Variants in SLCO1B1 observed in about 807,000 individuals in gnomAD.
The protein encoded by SLCO1B1 is solute carrier organic anion transporter family member 1B1.
SLCO1B1 carries 81 observed loss-of-function variants against 70.1 expected under a neutral mutation model. The ratio of observed to expected loss-of-function variants is 1.16; its 90% CI spans 0.97 to 1.39. The LOEUF (loss-of-function observed/expected upper bound fraction) is 1.39, where lower values mean the gene tolerates loss of function less well. Ranked by LOEUF, SLCO1B1 falls within the 40% of genes most tolerant of loss-of-function variation. SLCO1B1 has a pLI of 0.00. For missense variants in SLCO1B1, 895 were observed against 799.6 expected, an observed-to-expected ratio of 1.12 and a Z score of -1.44; for synonymous variants, 283 against 271.5, an observed-to-expected ratio of 1.04 and a Z score of -0.42.
At chr12:21,167,063 G>A (rs147527310) in intron 2 of SLCO1B1, among the ~76,000 whole-genome samples, 4 of 152,112 alleles carry the variant, frequency 2.6e-5, no homozygotes, top group Non-Finnish European at 5.9e-5. Context: ...CCTACTATAT[G>A]ATTCCAACTA....
rs1183319315 is a variant in SLCO1B1 at position 21,197,283 on chromosome 12, C to G, written c.970+95C>G. ...AAATAATAAAGCATACCCAACTCAT[C>G]TGGAGTTGGCTTTCTTTTGCACTAA... On this transcript the variant is annotated intron_variant, in intron 8 of 14. Transcript: ENST00000256958. 4 of 1,337,746 alleles carry G rather than the reference C, an allele frequency of 3.0e-6. No homozygotes were observed. In the African/African-American group the frequency reaches 5.9e-5, roughly 20 times the overall value. The allele number at this position is 1,337,746 out of a possible 1,614,324, so 82.9% of individuals were successfully genotyped here. A position where few individuals can be genotyped will look rare whatever the true frequency, so the allele number is the denominator to read the frequency against.
At chr12:21,206,727 C>T (rs1395984203) in intron 11 of SLCO1B1, among the ~76,000 whole-genome samples, 4 of 151,890 alleles carry the variant, frequency 2.6e-5, no homozygotes, top group Non-Finnish European at 5.9e-5. Context: ...TGGGTAGCTA[C>T]CTGTCACTGG....
At chr12:21,139,198 A>AAG (rs1940273749) in intron 1 of SLCO1B1, among the ~76,000 whole-genome samples, 1 of 152,120 alleles carries the variant, frequency 6.6e-6, no homozygotes, top group African/African-American at 2.4e-5. Flanking sequence ...TTTTTTTAAA[A>AAG]AAAGATTTCC....
At chr12:21,229,925 G>A (rs999931985) in intron 14 of SLCO1B1, among the ~76,000 whole-genome samples, 9 of 152,114 alleles carry the variant, frequency 5.9e-5, no homozygotes, top group African/African-American at 1.9e-4. Flanking sequence ...GAGAGGGGAC[G>A]TTTTTGACTT....
chr12:21,151,886 C>A (rs962344295), intron 2 of SLCO1B1, among the ~76,000 whole-genome samples: 2 of 151,864 alleles, frequency 1.3e-5, no homozygotes, highest in African/African-American at 4.8e-5. Context: ...GGCATTTATA[C>A]AACTTGTTAT....
intron 10 of SLCO1B1, among the ~76,000 whole-genome samples, chr12:21,203,889 A>C (rs1941185073): frequency 6.6e-6 from 1 of 152,130 alleles, no homozygotes; most frequent in Admixed American, 6.6e-5. Context: ...TTAGTTCAAA[A>C]GCCTTCTTGG....
intron 1 of SLCO1B1, among the ~76,000 whole-genome samples, chr12:21,136,535 T>A (rs1367911531): frequency 6.6e-6 from 1 of 152,182 alleles, no homozygotes; most frequent in Non-Finnish European, 1.5e-5. Context: ...CGTTTCTTTT[T>A]ATTCTTTTTT....
chr12:21,217,950 C>T (rs1941379832), intron 12 of SLCO1B1, among the ~76,000 whole-genome samples: 1 of 152,018 alleles, frequency 6.6e-6, no homozygotes, highest in African/African-American at 2.4e-5. Context: ...AAAATCAAAG[C>T]ACATATTTAT....
At position 21,203,037 on chromosome 12, in the gene SLCO1B1, T is replaced by G. The variant is rs1411088213; in HGVS notation, c.1331+351T>G. ...ATTAAGATTCTAACTCAAATTTGAG[T>G]TTTTTAAGTCCAAAACTCTTAGTCT... On this transcript the variant is annotated intron_variant, in intron 10 of 14. Coordinates refer to ENST00000256958, the MANE Select transcript of SLCO1B1 (RefSeq NM_006446.5). 2.0e-5 allele frequency among the ~76,000 whole-genome samples: 3 copies of G among 151,856 alleles called. No homozygotes were observed. The East Asian group carries it at 5.8e-4, about 29-fold the overall frequency.
At chr12:21,207,964 T>A (rs1413373413) in intron 11 of SLCO1B1, among the ~76,000 whole-genome samples, 1 of 152,054 alleles carries the variant, frequency 6.6e-6, no homozygotes, top group Non-Finnish European at 1.5e-5. Context: ...TCTGTTCATG[T>A]CCTTTGTCTA....
chr12:21,158,622 AG>A (rs1940573032), intron 2 of SLCO1B1, among the ~76,000 whole-genome samples: 1 of 152,118 alleles, frequency 6.6e-6, no homozygotes, highest in Non-Finnish European at 1.5e-5. Flanking sequence ...TGAACCCAGG[AG>A]GCAGAGGTTG....
intron 2 of SLCO1B1, among the ~76,000 whole-genome samples, chr12:21,142,076 AAAAAAC>A (rs1273577235): frequency 1.3e-4 from 19 of 151,228 alleles, no homozygotes; most frequent in Admixed American, 3.3e-4. Flanking sequence ...CTTTTAAAAA[AAAAAAC>A]AAAAAACAGG....
At chr12:21,171,578 G>A (rs1940756592) in intron 2 of SLCO1B1, among the ~76,000 whole-genome samples, 1 of 152,166 alleles carries the variant, frequency 6.6e-6, no homozygotes, top group Admixed American at 6.6e-5. Flanking sequence ...TGGCTCAGGA[G>A]GCTCTTGCAA....
chr12:21,224,048 C>T (rs1565443801), intron 13 of SLCO1B1, among the ~76,000 whole-genome samples: 1 of 152,166 alleles, frequency 6.6e-6, no homozygotes, highest in African/African-American at 2.4e-5. Context: ...GTACCACAAG[C>T]CCTAACTTAG....
Position 21,197,065 on chromosome 12 carries a change from C to T in SLCO1B1, c.847C>T (p.Pro283Ser). 6.2e-7 allele frequency: 1 copy of T among 1,613,516 alleles called. No individual in the cohort carries two copies. Among genetic ancestry groups the T allele is most frequent in the African/African-American group, 1.3e-5 (1 of 74,930 alleles). ...SIPFFFLPQT[P>S]NKPQKERKAS... ...ACCATTCTTTTTCTTGCCCCAAACT[C>T]CAAATAAACCACAAAAAGAAAGAAA... The change falls in exon 8 of 15, where the codon CCA (proline) becomes TCA (serine). Residue 283 changes from proline to serine, a missense_variant. By Grantham distance (74) the Pro-to-Ser change is moderately conservative (BLOSUM62 -1). Transcript: ENST00000256958.
At chr12:21,156,596 A>G (rs200793997) in intron 2 of SLCO1B1, among the ~76,000 whole-genome samples, 4 of 152,180 alleles carry the variant, frequency 2.6e-5, no homozygotes, top group Non-Finnish European at 5.9e-5. Flanking sequence ...AAAATATCAG[A>G]AATTTTAAAA....
chr12:21,175,757 T>G (rs1001350110), intron 4 of SLCO1B1, among the ~76,000 whole-genome samples: 7 of 152,130 alleles, frequency 4.6e-5, no homozygotes, highest in Admixed American at 2.0e-4. Flanking sequence ...TCATCTGCTT[T>G]TGGCACCATA....
intron 9 of SLCO1B1, 140 bp from the exon 10 acceptor site, chr12:21,202,351 A>C (rs1247400742): frequency 1.6e-6 from 1 of 629,964 alleles, no homozygotes; most frequent in Non-Finnish European, 2.7e-6. Context: ...CATTCTGCAC[A>C]TGTATCCCAG....
chr12:21,149,208 C>A (rs1222713401), intron 2 of SLCO1B1, among the ~76,000 whole-genome samples: 1 of 152,054 alleles, frequency 6.6e-6, no homozygotes, highest in Non-Finnish European at 1.5e-5. Context: ...ATTTGAGTAT[C>A]TTTTATTTAT....
Sources: gnomAD v4.1 joint callset for allele counts (sites outside exome capture counted in the v4.1 genomes callset) on GRCh38, gnomAD v4.1.1 for gene constraint, MANE v1.5 for transcripts, NCBI Gene and HGNC (gene_info 2026-07-23, HGNC 2026-07-21) for gene names.